Variants in SLC9B1 observed in about 807,000 individuals in gnomAD.
The protein encoded by SLC9B1 is solute carrier family 9 member B1.
SLC9B1 carries 32 observed loss-of-function variants against 51.7 expected under a neutral mutation model. The ratio of observed to expected loss-of-function variants is 0.62; its 90% CI spans 0.47 to 0.83. The LOEUF is 0.83. SLC9B1 is among the 40% of genes least tolerant of loss of function. The pLI is 0.00. For missense variants in SLC9B1, 406 were observed against 613.2 expected, an observed-to-expected ratio of 0.66 and a Z score of 3.57; for synonymous variants, 145 against 212.7, an observed-to-expected ratio of 0.68 and a Z score of 2.77.
At chr4:102,955,413 C>T (rs558128759) in intron 3 of SLC9B1, among the ~76,000 whole-genome samples, 2 of 152,290 alleles carry the variant, frequency 1.3e-5, no homozygotes, top group Admixed American at 6.5e-5. Flanking sequence ...CGGACTAATA[C>T]ACTCTCATCT....
At chr4:103,004,936 T>C (rs535468100) in intron 1 of SLC9B1, among the ~76,000 whole-genome samples, 1 of 151,724 alleles carries the variant, frequency 6.6e-6, no homozygotes, top group Non-Finnish European at 1.5e-5. Context: ...CTGAAGGGAG[T>C]GCTAAACATA....
At chr4:103,003,779 T>G (rs965739559) in intron 1 of SLC9B1, among the ~76,000 whole-genome samples, 1 of 152,100 alleles carries the variant, frequency 6.6e-6, no homozygotes, top group Admixed American at 6.5e-5. Flanking sequence ...AGAACAGAGC[T>G]AGGGGCCTGG....
chr4:102,927,137 C>T (rs1736226783), intron 7 of SLC9B1, among the ~76,000 whole-genome samples: 1 of 152,058 alleles, frequency 6.6e-6, no homozygotes, highest in Admixed American at 6.5e-5. Flanking sequence ...GACCTAAAAC[C>T]ATAAAAACCC....
chr4:102,993,428 G>A (rs1005628451), intron 1 of SLC9B1, among the ~76,000 whole-genome samples: 1 of 152,236 alleles, frequency 6.6e-6, no homozygotes, highest in Admixed American at 6.5e-5. Flanking sequence ...TGATGCAAGA[G>A]GTGGGCTCCC....
At chr4:102,994,206 G>T (rs185140299) in intron 1 of SLC9B1, among the ~76,000 whole-genome samples, 13 of 151,994 alleles carry the variant, frequency 8.6e-5, no homozygotes, top group Admixed American at 3.9e-4. Flanking sequence ...TCTATGCTCT[G>T]CTTCCTCTTG....
chr4:102,904,482 C>T (rs1054438251), intron 11 of SLC9B1, among the ~76,000 whole-genome samples: 13 of 151,808 alleles, frequency 8.6e-5, no homozygotes, highest in African/African-American at 2.4e-4. Context: ...TTTTCATAAA[C>T]TTAGGAAGTA....
At chr4:102,942,082 C>CAACA (rs1012462900) in intron 6 of SLC9B1, among the ~76,000 whole-genome samples, 1 of 151,858 alleles carries the variant, frequency 6.6e-6, no homozygotes, top group South Asian at 2.1e-4. Context: ...AACAAACAAA[C>CAACA]AACAAACAAA....
At position 102,911,966 on chromosome 4, in the gene SLC9B1, C is replaced by G. The variant is rs768134443; in HGVS notation, c.830-429G>C. On this transcript the variant is annotated intron_variant, in intron 7 of 11. Coordinates refer to ENST00000296422, the MANE Select transcript of SLC9B1 (RefSeq NM_139173.4). ...TGGCCAACATAATGAAACCCCATCT[C>G]TACTAAAAATACAAAAATTAGCTGG... 2.1e-5 allele frequency: 4 copies of G among 190,362 alleles called. No homozygotes were observed. In the South Asian group the frequency reaches 2.9e-4, roughly 14 times the overall value. The allele number at this position is 190,362 out of a possible 1,614,324, so 11.8% of individuals were successfully genotyped here. A position where few individuals can be genotyped will look rare whatever the true frequency, so the allele number is the denominator to read the frequency against.
At chr4:102,981,356 T>G (rs7659394) in intron 3 of SLC9B1, among the ~76,000 whole-genome samples, 1 of 152,130 alleles carries the variant, frequency 6.6e-6, no homozygotes, top group Non-Finnish European at 1.5e-5. Flanking sequence ...TTCAGCTCAT[T>G]TGGGTAAATA....
intron 11 of SLC9B1, chr4:102,887,918 T>C (rs1041912939): frequency 1.3e-5 from 2 of 156,460 alleles, no homozygotes; most frequent in Non-Finnish European, 2.8e-5. Context: ...ATAGACTCTT[T>C]GCTTTATAGA....
chr4:102,891,082 T>C (rs1187510540), intron 11 of SLC9B1: 1 of 151,292 alleles, frequency 6.6e-6, no homozygotes, highest in Non-Finnish European at 1.5e-5. Flanking sequence ...TGTATGTGTT[T>C]ACATATTACA....
intron 7 of SLC9B1, among the ~76,000 whole-genome samples, chr4:102,916,834 T>C (rs929949119): frequency 2.6e-5 from 4 of 152,174 alleles, no homozygotes. Flanking sequence ...TGTTAACCAA[T>C]TGGCCTGTAT....
chr4:102,943,506 T>TATATAC (rs1553982064), intron 6 of SLC9B1, among the ~76,000 whole-genome samples: 1 of 145,592 alleles, frequency 6.9e-6, no homozygotes, highest in African/African-American at 2.6e-5. Flanking sequence ...TGTGTATGTA[T>TATATAC]ACACACACAC....
chr4:102,918,559 C>T (rs1735703142), intron 7 of SLC9B1, among the ~76,000 whole-genome samples: 1 of 152,114 alleles, frequency 6.6e-6, no homozygotes, highest in East Asian at 1.9e-4. Context: ...ATGCTGGAGC[C>T]TAATATTCAA....
chr4:102,925,612 G>C (rs1736122214), intron 7 of SLC9B1, among the ~76,000 whole-genome samples: 1 of 149,622 alleles, frequency 6.7e-6, no homozygotes, highest in African/African-American at 2.5e-5. Flanking sequence ...ATAAATTTTA[G>C]ATAGCCATCC....
At chr4:102,909,144 T>C (rs1735213802) in intron 9 of SLC9B1, among the ~76,000 whole-genome samples, 1 of 152,136 alleles carries the variant, frequency 6.6e-6, no homozygotes. Flanking sequence ...AGGGATAATT[T>C]AGCAGTGTCC....
chr4:102,972,278 A>G (rs1329483337), intron 3 of SLC9B1, among the ~76,000 whole-genome samples: 1 of 152,232 alleles, frequency 6.6e-6, no homozygotes, highest in African/African-American at 2.4e-5. Flanking sequence ...AGCACATCAA[A>G]GAGCTTAACC....
At chr4:102,999,656 C>A (rs1025959150) in intron 1 of SLC9B1, among the ~76,000 whole-genome samples, 1 of 152,096 alleles carries the variant, frequency 6.6e-6, no homozygotes, top group African/African-American at 2.4e-5. Flanking sequence ...GTGAAAAAAT[C>A]ACTTTAACCA....
chr4:103,000,055 C>A (rs569279081), intron 1 of SLC9B1, among the ~76,000 whole-genome samples: 1 of 152,108 alleles, frequency 6.6e-6, no homozygotes, highest in Non-Finnish European at 1.5e-5. Context: ...CTCATGAGAA[C>A]GCATTCACTG....
Sources: allele counts gnomAD v4.1 joint callset (sites outside exome capture counted in the v4.1 genomes callset), GRCh38; gene constraint gnomAD v4.1.1; transcripts MANE v1.5; gene names NCBI Gene and HGNC (gene_info 2026-07-23, HGNC 2026-07-21).